Variants in LRRC1 observed in about 807,000 individuals in gnomAD.
LRRC1 encodes leucine-rich repeat-containing protein 1.
A neutral mutation model predicts 69.9 loss-of-function variants in LRRC1; 28 were observed. The observed-to-expected ratio is 0.40, with a 90% CI of 0.30 to 0.55. The LOEUF (loss-of-function observed/expected upper bound fraction) is 0.55, where lower values mean the gene tolerates loss of function less well. Ranked by LOEUF, LRRC1 falls within the 20% of genes least tolerant of loss-of-function variation. LRRC1 has a pLI of 0.47. For missense variants in LRRC1, 498 were observed against 609.0 expected, an observed-to-expected ratio of 0.82 and a Z score of 1.92; for synonymous variants, 236 against 240.2, an observed-to-expected ratio of 0.98 and a Z score of 0.16.
chr6:53,888,530 G>T (rs563452184), intron 4 of LRRC1, among the ~76,000 whole-genome samples: 1 of 152,276 alleles, frequency 6.6e-6, no homozygotes, highest in South Asian at 2.1e-4. Flanking sequence ...TCGACAAGTC[G>T]ATCTACAGAC....
Position 53,879,796 on chromosome 6 carries a change from A to G in LRRC1, c.356+725A>G, listed in dbSNP as rs182783962. Among the ~76,000 whole-genome samples the G allele has an allele frequency of 3.5e-3, 533 of 151,844 alleles. 2 individuals are homozygous for G. The highest frequency in any genetic ancestry group is 0.012 in the African/African-American group (490 of 41,352). The stretch of plus-strand genomic sequence containing the variant: ...GTATGACACAGTCTGTTGCCGAGGC[A>G]TGGCTGAGTGGCATTGCTGTGAGCT... On this transcript the variant is annotated intron_variant, in intron 3 of 13. Coordinates refer to ENST00000370888, the MANE Select transcript of LRRC1 (RefSeq NM_018214.5).
rs72943887 is a variant in LRRC1, at chr6:53,917,128, T to C, written c.1107-2370T>C. Among the ~76,000 whole-genome samples the C allele has an allele frequency of 4.6e-3, 708 of 152,316 alleles. 2 individuals are homozygous for C. The highest frequency in any genetic ancestry group is 7.2e-3 in the Non-Finnish European group (492 of 68,024). ...AAAGCAGGAATGTATTTCTCATCAT[T>C]TTCTGACTTGTAGCTGGGATGGTTT... On this transcript the variant is annotated intron_variant, in intron 11 of 13. Coordinates refer to ENST00000370888, the MANE Select transcript of LRRC1 (RefSeq NM_018214.5).
chr6:53,913,243 C>T (rs961002906), intron 10 of LRRC1, among the ~76,000 whole-genome samples: 18 of 151,814 alleles, frequency 1.2e-4, no homozygotes, highest in Admixed American at 5.9e-4. Flanking sequence ...GTTGATTTTA[C>T]ATTCATCAAA....
intron 4 of LRRC1, among the ~76,000 whole-genome samples, chr6:53,893,160 G>A (rs576648991): frequency 2.8e-3 from 430 of 152,316 alleles, no homozygotes; most frequent in Non-Finnish European, 4.4e-3. Flanking sequence ...TAGGGACAAA[G>A]GGTGTCTTGA....
intron 2 of LRRC1, among the ~76,000 whole-genome samples, chr6:53,856,933 G>A (rs887223842): frequency 6.6e-6 from 1 of 152,152 alleles, no homozygotes; most frequent in African/African-American, 2.4e-5. Context: ...TGCTGGAGCG[G>A]GAGGGAGAGG....
intron 4 of LRRC1, among the ~76,000 whole-genome samples, chr6:53,889,238 C>A (rs1767594941): frequency 6.6e-6 from 1 of 152,012 alleles, no homozygotes; most frequent in African/African-American, 2.4e-5. Context: ...GAAATTGAAA[C>A]CCTCATATGT....
rs61734465 is a variant in LRRC1, at chr6:53,922,787, T to G, written c.1569T>G (p.Ser523=). The change falls in exon 14 of 14, where the codon TCT becomes TCG. Residue 523 remains serine (S), a synonymous_variant. Coordinates refer to ENST00000370888, the MANE Select transcript of LRRC1 (RefSeq NM_018214.5). The part of the protein sequence containing the change: ...VNHAIDRVTT[S]V ...ATGCCATTGACCGAGTGACCACTTC[T>G]GTGTAGAGTTTCACCTCCAAGTTTT... 3.9e-3 allele frequency: 6,297 copies of G among 1,612,798 alleles called. 222 individuals carry two copies. In the African/African-American group the frequency reaches 0.074, roughly 19 times the overall value.
At chr6:53,901,408 C>T (rs1768051982) in intron 8 of LRRC1, among the ~76,000 whole-genome samples, 1 of 151,988 alleles carries the variant, frequency 6.6e-6, no homozygotes, top group Non-Finnish European at 1.5e-5. Context: ...AGTGGGGTGG[C>T]ACATGCCTGT....
At chr6:53,887,336 G>A (rs1220295831) in intron 4 of LRRC1, among the ~76,000 whole-genome samples, 1 of 152,184 alleles carries the variant, frequency 6.6e-6, no homozygotes, top group Non-Finnish European at 1.5e-5. Context: ...GAACTGGTAA[G>A]CTTCTTCCTT....
intron 1 of LRRC1, among the ~76,000 whole-genome samples, chr6:53,826,950 G>T (rs1216938708): frequency 6.6e-6 from 1 of 152,028 alleles, no homozygotes; most frequent in Non-Finnish European, 1.5e-5. Flanking sequence ...CTTGCATAAG[G>T]TATATTTAAA....
intron 12 of LRRC1, among the ~76,000 whole-genome samples, 185 bp downstream of exon 12, chr6:53,919,855 G>T (rs879025643): frequency 6.6e-6 from 1 of 152,190 alleles, no homozygotes; most frequent in Non-Finnish European, 1.5e-5. Context: ...CAGAAGAAGG[G>T]CCACTCCTAT....
chr6:53,908,809 A>G (rs1768319946), intron 10 of LRRC1, among the ~76,000 whole-genome samples: 1 of 152,228 alleles, frequency 6.6e-6, no homozygotes, highest in Non-Finnish European at 1.5e-5. Flanking sequence ...AGAGAAGTAG[A>G]CAAAAAGAAA....
chr6:53,870,333 G>A (rs1022537842), intron 2 of LRRC1, among the ~76,000 whole-genome samples: 6 of 152,028 alleles, frequency 3.9e-5, no homozygotes, highest in Admixed American at 3.3e-4. Flanking sequence ...CATACCTTTC[G>A]TCTTTTCCCT....
At chr6:53,855,476 A>G (rs2127421059) in intron 2 of LRRC1, among the ~76,000 whole-genome samples, 1 of 152,314 alleles carries the variant, frequency 6.6e-6, no homozygotes, top group East Asian at 1.9e-4. Flanking sequence ...AAGTAACACC[A>G]GAGAGGCTGA....
At chr6:53,903,200 A>T (rs993458704) in intron 9 of LRRC1, among the ~76,000 whole-genome samples, 2 of 152,146 alleles carry the variant, frequency 1.3e-5, no homozygotes, top group Non-Finnish European at 2.9e-5. Context: ...GGGCTGGGAA[A>T]CGCTCTTGAT....
At chr6:53,851,179 C>CACACACAT (rs1581873200) in intron 2 of LRRC1, among the ~76,000 whole-genome samples, 1 of 118,286 alleles carries the variant, frequency 8.5e-6, no homozygotes, top group Non-Finnish European at 1.8e-5. Context: ...ATAGGACACA[C>CACACACAT]ACACACACAC....
chr6:53,917,434 G>A (rs564548601), intron 11 of LRRC1, among the ~76,000 whole-genome samples: 1 of 152,148 alleles, frequency 6.6e-6, no homozygotes, highest in South Asian at 2.1e-4. Flanking sequence ...GAAATATGTT[G>A]ATAAGATTTG....
Position 53,922,904 on chromosome 6 carries a change from T to C in LRRC1, c.*111T>C. ...TGTCCTAACCAGCCCCCGCGCGCCATCTTCCCGTGGAGTGTGGGGAAGCTG... is the reference window on the plus strand; with the variant it reads ...TGTCCTAACCAGCCCCCGCGCGCCACCTTCCCGTGGAGTGTGGGGAAGCTG... On this transcript the variant is annotated 3_prime_UTR_variant, in exon 14 of 14. Coordinates refer to ENST00000370888, the MANE Select transcript of LRRC1 (RefSeq NM_018214.5). 9.5e-7 allele frequency: 1 copy of C among 1,049,024 alleles called. No individual in the cohort carries two copies. The highest frequency in any genetic ancestry group is 1.4e-6 in the Non-Finnish European group (1 of 715,272). The allele number at this position is 1,049,024 out of a possible 1,614,324, so 65.0% of individuals were successfully genotyped here. A position where few individuals can be genotyped will look rare whatever the true frequency, so the allele number is the denominator to read the frequency against.
chr6:53,899,659 G>A (rs1767983330), intron 7 of LRRC1, 88 bp from the exon 8 acceptor site: 3 of 1,342,702 alleles, frequency 2.2e-6, no homozygotes, highest in Admixed American at 2.1e-5. Flanking sequence ...ACCGCCCTGG[G>A]ATTTAATTGT....
Sources: gnomAD v4.1 joint callset for allele counts (sites outside exome capture counted in the v4.1 genomes callset) on GRCh38, gnomAD v4.1.1 for gene constraint, MANE v1.5 for transcripts, NCBI Gene and HGNC (gene_info 2026-07-23, HGNC 2026-07-21) for gene names.